The following SCMH1 variants were observed in gnomAD, a reference collection of about 807,000 sequenced individuals.
SCMH1 encodes the protein Scm polycomb group protein homolog 1.
In SCMH1, 37 loss-of-function variants were observed where a neutral mutation model predicts 70.8. That is an observed-to-expected ratio of 0.52 (90% CI 0.40 to 0.69). The LOEUF (loss-of-function observed/expected upper bound fraction) is 0.69. Among genes scored for constraint, SCMH1 ranks in the 30% least tolerant of loss-of-function variants. The pLI, the probability that SCMH1 is intolerant of heterozygous loss-of-function variation, is 0.00. For synonymous variants in SCMH1, 292 were observed against 307.4 expected, an observed-to-expected ratio of 0.95 and a Z score of 0.52; for missense variants, 607 against 827.3, an observed-to-expected ratio of 0.73 and a Z score of 3.27.
intron 10 of SCMH1, 126 bp from the exon 11 acceptor site, chr1:41,049,016 T>C (rs1303871164): frequency 1.1e-6 from 1 of 875,138 alleles, no homozygotes; most frequent in Non-Finnish European, 1.7e-6. Context: ...GCAGCTGAGC[T>C]GGTGAAATGC....
chr1:41,215,798 T>C (rs1448668179), intron 1 of SCMH1, among the ~76,000 whole-genome samples: 1 of 152,292 alleles, frequency 6.6e-6, no homozygotes, highest in Non-Finnish European at 1.5e-5. Context: ...AGTGAAGCCC[T>C]AAGGGATGTC....
intron 1 of SCMH1, among the ~76,000 whole-genome samples, chr1:41,225,447 T>C (rs1171773163): frequency 6.6e-6 from 1 of 152,190 alleles, no homozygotes; most frequent in Non-Finnish European, 1.5e-5. Flanking sequence ...ATTGAGTATG[T>C]GTCAGTCCCC....
intron 6 of SCMH1, among the ~76,000 whole-genome samples, chr1:41,137,095 G>C (rs893929829): frequency 6.6e-6 from 1 of 152,046 alleles, no homozygotes; most frequent in Non-Finnish European, 1.5e-5. Context: ...CCAGTACTTT[G>C]AATTAACTTT....
chr1:41,037,429 C>T lies in SCMH1; in HGVS notation c.1611G>A (p.Arg537=), dbSNP rs747282998. 6.8e-6 allele frequency: 11 copies of T among 1,614,096 alleles called. No homozygotes were observed. The East Asian group carries it at 2.0e-4, about 29-fold the overall frequency. Reference sequence around the variant, plus strand: ...GGAGGCCACAGGATGAAAGCAAGGGCCGGTGCCTTTGGGAGGTGCTGACAA... The same window carrying T: ...GGAGGCCACAGGATGAAAGCAAGGGTCGGTGCCTTTGGGAGGTGCTGACAA... Residue 537 remains arginine, a synonymous_variant, in exon 13 of 15, where the codon CGG becomes CGA. Coordinates refer to ENST00000337495, the Ensembl canonical transcript of SCMH1.
At chr1:41,094,585 A>AT (rs1375913347) in intron 8 of SCMH1, among the ~76,000 whole-genome samples, 1 of 151,932 alleles carries the variant, frequency 6.6e-6, no homozygotes, top group African/African-American at 2.4e-5. Flanking sequence ...AGATAAAATA[A>AT]TTTTTTTAAA....
At chr1:41,178,406 A>T (rs1647635618) in intron 2 of SCMH1, among the ~76,000 whole-genome samples, 1 of 152,206 alleles carries the variant, frequency 6.6e-6, no homozygotes, top group Non-Finnish European at 1.5e-5. Flanking sequence ...CTTAAATGTA[A>T]ATGGGCTAAA....
At chr1:41,046,091 G>T (rs1418761490) in intron 12 of SCMH1, among the ~76,000 whole-genome samples, 1 of 152,214 alleles carries the variant, frequency 6.6e-6, no homozygotes. Context: ...CACACTGGGA[G>T]ACGTTCTGTG....
chr1:41,186,059 G>T, intron 2 of SCMH1, 62 bp downstream of exon 2: 1 of 1,530,832 alleles, frequency 6.5e-7, no homozygotes, highest in South Asian at 1.2e-5. Flanking sequence ...ATTCCTTAAA[G>T]CCAGTCCTTG....
chr1:41,169,307 G>T (rs542881410), intron 2 of SCMH1, among the ~76,000 whole-genome samples: 2 of 152,168 alleles, frequency 1.3e-5, no homozygotes, highest in African/African-American at 4.8e-5. Flanking sequence ...ATCAGCTCCC[G>T]AATGTAAGTT....
intron 4 of SCMH1, among the ~76,000 whole-genome samples, chr1:41,158,274 C>T (rs557204964): frequency 6.6e-6 from 1 of 152,282 alleles, no homozygotes; most frequent in South Asian, 2.1e-4. Flanking sequence ...TCATCCTTAA[C>T]CTCACAGAGC....
At chr1:41,222,194 G>T (rs542879261) in intron 1 of SCMH1, among the ~76,000 whole-genome samples, 1 of 151,410 alleles carries the variant, frequency 6.6e-6, no homozygotes, top group African/African-American at 2.4e-5. Flanking sequence ...ACAAGGGAAG[G>T]GAAGAAGAAG....
At chr1:41,106,354 C>T (rs1358623856) in intron 8 of SCMH1, among the ~76,000 whole-genome samples, 1 of 151,494 alleles carries the variant, frequency 6.6e-6, no homozygotes, top group African/African-American at 2.4e-5. Flanking sequence ...AAGTGTGACA[C>T]CCCCCTCCCC....
intron 4 of SCMH1, among the ~76,000 whole-genome samples, chr1:41,153,919 C>G (rs1186551449): frequency 1.3e-5 from 2 of 152,092 alleles, no homozygotes; most frequent in Non-Finnish European, 2.9e-5. Flanking sequence ...AGGTATAGAT[C>G]CAGAGTTAGC....
Position 41,113,161 on chromosome 1 carries a change from G to A in SCMH1, c.745+122C>T, listed in dbSNP as rs1669639912. 3.2e-6 allele frequency: 4 copies of A among 1,269,522 alleles called. 1 individual carries two copies. The South Asian group carries it at 4.7e-5, about 15-fold the overall frequency. 78.6% of individuals were successfully genotyped at this position (1,269,522 alleles called of 1,614,324 possible). On this transcript the variant is annotated intron_variant, in intron 8 of 14. Transcript: ENST00000337495. This position sits in a 1 kb window ranked among gnomAD's most constrained non-coding sequence, Gnocchi z 4.3. ...GACCTGGGTTTTTACCTAAGCTGCT[G>A]GCCCTTGCTCCTCCCCTGCATACTA...
intron 6 of SCMH1, among the ~76,000 whole-genome samples, chr1:41,130,039 G>A (rs1020189672): frequency 1.3e-5 from 2 of 152,222 alleles, no homozygotes; most frequent in African/African-American, 2.4e-5. Flanking sequence ...AATGTGAAGT[G>A]TCATCTCAAT....
chr1:41,075,754 T>C (rs928650310), intron 8 of SCMH1, among the ~76,000 whole-genome samples: 1 of 152,196 alleles, frequency 6.6e-6, no homozygotes, highest in Non-Finnish European at 1.5e-5. Flanking sequence ...AATAGAATCA[T>C]AGGCTCAGAG....
At chr1:41,056,593 C>G (rs1650397795) in intron 10 of SCMH1, among the ~76,000 whole-genome samples, 2 of 152,162 alleles carry the variant, frequency 1.3e-5, no homozygotes, top group African/African-American at 4.8e-5. Flanking sequence ...GCTGAAAAGT[C>G]AACAATCCTT....
Position 41,161,280 on chromosome 1 carries a change from C to T in SCMH1, c.82+84G>A, listed in dbSNP as rs1216983058. The T allele has an allele frequency of 5.8e-6, 9 of 1,541,212 alleles. No individual in the cohort carries two copies. In the Admixed American group the frequency reaches 1.0e-4, roughly 18 times the overall value. ...ATATAACAATTGAGTTATTTGTAAACTCAGACCTCTAACAACGAAGGTTTT... is the reference window on the plus strand; with the variant it reads ...ATATAACAATTGAGTTATTTGTAAATTCAGACCTCTAACAACGAAGGTTTT... On this transcript the variant is annotated intron_variant, in intron 3 of 14. Transcript: ENST00000337495.
chr1:41,112,931 C>T (rs1669583750), intron 8 of SCMH1, among the ~76,000 whole-genome samples: 1 of 152,166 alleles, frequency 6.6e-6, no homozygotes, highest in Admixed American at 6.5e-5. Flanking sequence ...TCCAAAGCCC[C>T]TAAGGTCAGA....
Sources: allele counts gnomAD v4.1 joint callset (sites outside exome capture counted in the v4.1 genomes callset), GRCh38; gene constraint gnomAD v4.1.1; non-coding constraint Gnocchi (gnomAD v3.1); transcripts MANE v1.5; gene names NCBI Gene and HGNC (gene_info 2026-07-23, HGNC 2026-07-21).